The following COL25A1 variants were observed in gnomAD, a reference collection of about 807,000 sequenced individuals.
COL25A1 encodes the protein collagen alpha-1(XXV) chain.
A neutral mutation model predicts 128.4 loss-of-function variants in COL25A1; 103 were observed. That is an observed-to-expected ratio of 0.80 (90% CI 0.68 to 0.94). COL25A1 has a LOEUF of 0.94. Among genes scored for constraint, COL25A1 ranks in the 40% least tolerant of loss-of-function variants. The probability of loss-of-function intolerance (pLI) is 0.00; values close to 1 mark genes in which losing one functional copy is unlikely to be tolerated. For missense variants in COL25A1, 745 were observed against 840.0 expected, an observed-to-expected ratio of 0.89 and a Z score of 1.40; for synonymous variants, 279 against 277.2, an observed-to-expected ratio of 1.01 and a Z score of -0.06.
intron 3 of COL25A1, among the ~76,000 whole-genome samples, chr4:109,278,760 T>C (rs1251253177): frequency 6.6e-6 from 1 of 152,230 alleles, no homozygotes; most frequent in African/African-American, 2.4e-5. Context: ...TCTTCACAAA[T>C]GATTCATTTT....
chr4:108,942,369 T>C lies in COL25A1; in HGVS notation c.493-932A>G, dbSNP rs566707045. 165 of 1,057,340 alleles carry C rather than the reference T, an allele frequency of 1.6e-4. No individual in the cohort carries two copies. The African/African-American group carries it at 2.1e-3, about 14-fold the overall frequency. 65.5% of individuals were successfully genotyped at this position (1,057,340 alleles called of 1,614,324 possible). A position where few individuals can be genotyped will look rare whatever the true frequency, so the allele number is the denominator to read the frequency against. On this transcript the variant is annotated intron_variant, in intron 8 of 37. Transcript: ENST00000399132. ...CAAGCACATACCTAGCACCTCCCTT[T>C]CCTGGGACTTAGAAGTCTTGCCTCA...
At chr4:108,881,414 A>G (rs926994391) in intron 19 of COL25A1, among the ~76,000 whole-genome samples, 2 of 152,190 alleles carry the variant, frequency 1.3e-5, no homozygotes, top group African/African-American at 4.8e-5. Context: ...AATGGATGGC[A>G]TTCACATGCT....
intron 3 of COL25A1, among the ~76,000 whole-genome samples, chr4:109,144,381 C>T (rs1770733448): frequency 6.6e-6 from 1 of 152,176 alleles, no homozygotes; most frequent in Admixed American, 6.5e-5. Flanking sequence ...TGTCAAGGAC[C>T]CACTTGAGGA....
intron 3 of COL25A1, among the ~76,000 whole-genome samples, chr4:109,206,329 C>T (rs1776996952): frequency 6.6e-6 from 1 of 152,164 alleles, no homozygotes. Flanking sequence ...CCTATCTTCT[C>T]TCTCCATAAA....
intron 3 of COL25A1, among the ~76,000 whole-genome samples, chr4:109,068,814 G>T (rs530130217): frequency 3.9e-5 from 6 of 152,170 alleles, no homozygotes; most frequent in Non-Finnish European, 8.8e-5. Flanking sequence ...CTCTGGGTTC[G>T]GTGGTACAGT....
intron 3 of COL25A1, among the ~76,000 whole-genome samples, chr4:109,229,161 T>A: frequency 6.7e-6 from 1 of 149,372 alleles, no homozygotes; most frequent in South Asian, 2.1e-4. Context: ...CCTAAAAAAA[T>A]TGGATTTCTA....
intron 6 of COL25A1, among the ~76,000 whole-genome samples, chr4:108,978,138 T>C (rs1385759949): frequency 2.0e-5 from 3 of 152,272 alleles, no homozygotes; most frequent in African/African-American, 7.2e-5. Context: ...AATTTGCATC[T>C]ACAATTGAGC....
At chr4:109,019,836 C>G (rs574774820) in intron 5 of COL25A1, among the ~76,000 whole-genome samples, 1 of 152,234 alleles carries the variant, frequency 6.6e-6, no homozygotes, top group South Asian at 2.1e-4. Flanking sequence ...CCAGAGGAGG[C>G]TATGTATACA....
rs528930231 is a variant in COL25A1, at chr4:109,209,037, G to A, written c.367+91546C>T. On this transcript the variant is annotated intron_variant, in intron 3 of 37. Transcript: ENST00000399132. Reference sequence around the variant, plus strand: ...CACTGAATATTTCTTCCATTTACATGACAAAGAATGTTATGTAGGGGCATT... The same window carrying A: ...CACTGAATATTTCTTCCATTTACATAACAAAGAATGTTATGTAGGGGCATT... 2.0e-5 allele frequency among the ~76,000 whole-genome samples: 3 copies of A among 152,160 alleles called. No homozygotes were observed. The South Asian group carries it at 6.2e-4, about 32-fold the overall frequency.
intron 3 of COL25A1, among the ~76,000 whole-genome samples, chr4:109,286,539 T>C (rs944737404): frequency 6.6e-6 from 1 of 152,214 alleles, no homozygotes; most frequent in African/African-American, 2.4e-5. Context: ...TTGCCTTTTT[T>C]ATTCACTGGG....
chr4:109,186,329 T>C (rs974596349), intron 3 of COL25A1, among the ~76,000 whole-genome samples: 8 of 152,230 alleles, frequency 5.3e-5, no homozygotes, highest in African/African-American at 1.9e-4. Context: ...TTTTTTTGCA[T>C]ATATTTTTCC....
At chr4:108,928,473 T>C (rs545865360) in intron 11 of COL25A1, among the ~76,000 whole-genome samples, 52 of 152,274 alleles carry the variant, frequency 3.4e-4, no homozygotes, top group African/African-American at 1.2e-3. Flanking sequence ...ATGTGGCCAG[T>C]ACAATATTTA....
chr4:108,930,731 G>C (rs1560883390), intron 11 of COL25A1, among the ~76,000 whole-genome samples: 4 of 152,126 alleles, frequency 2.6e-5, no homozygotes, highest in Non-Finnish European at 2.9e-5. Flanking sequence ...CAAGAATTCT[G>C]GATTTGAACT....
intron 3 of COL25A1, among the ~76,000 whole-genome samples, chr4:109,209,823 T>C (rs979490793): frequency 2.6e-5 from 4 of 152,024 alleles, no homozygotes; most frequent in African/African-American, 9.7e-5. Context: ...GAGACTGGGC[T>C]GGGCGGATCA....
chr4:109,214,814 G>C (rs1392640883), intron 3 of COL25A1, among the ~76,000 whole-genome samples: 1 of 152,154 alleles, frequency 6.6e-6, no homozygotes. Context: ...CTGAGGAAGT[G>C]CTCTGTGAAA....
At chr4:109,101,369 CA>C (rs1395895070) in intron 3 of COL25A1, among the ~76,000 whole-genome samples, 2 of 152,120 alleles carry the variant, frequency 1.3e-5, no homozygotes, top group Admixed American at 6.6e-5. Flanking sequence ...TCAGTAGCAG[CA>C]AAGCTTGCTA....
intron 3 of COL25A1, among the ~76,000 whole-genome samples, chr4:109,226,758 T>C (rs771078494): frequency 7.2e-5 from 11 of 152,118 alleles, no homozygotes; most frequent in Non-Finnish European, 1.6e-4. Flanking sequence ...GGGGATTTAT[T>C]TGGGAAACAT....
Position 109,293,710 on chromosome 4 carries a change from T to C in COL25A1, c.367+6873A>G, listed in dbSNP as rs77294475. On this transcript the variant is annotated intron_variant, in intron 3 of 37. Transcript: ENST00000399132. ...TCTACATCTACTAAATATGACTTTA[T>C]AGCAAAAAGATGAATTTAGCAACAA... Among the ~76,000 whole-genome samples the C allele has an allele frequency of 9.5e-3, 1,448 of 152,204 alleles. 25 individuals carry two copies. Among genetic ancestry groups the C allele is most frequent in the African/African-American group, 0.033 (1,358 of 41,548 alleles).
chr4:109,298,111 G>C (rs983542263), intron 3 of COL25A1, among the ~76,000 whole-genome samples: 3 of 151,758 alleles, frequency 2.0e-5, no homozygotes, highest in Non-Finnish European at 4.4e-5. Flanking sequence ...CTGAGTCTCA[G>C]TTTCCTCATC....
Sources: allele counts gnomAD v4.1 joint callset (sites outside exome capture counted in the v4.1 genomes callset), GRCh38; gene constraint gnomAD v4.1.1; transcripts MANE v1.5; gene names NCBI Gene and HGNC (gene_info 2026-07-23, HGNC 2026-07-21).